The following ACVR1C variants were observed in gnomAD, a reference collection of about 807,000 sequenced individuals.
ACVR1C encodes activin A receptor type 1C.
In ACVR1C, 23 loss-of-function variants were observed where a neutral mutation model predicts 57.9. The ratio of observed to expected loss-of-function variants is 0.40; its 90% CI spans 0.29 to 0.56. The LOEUF (loss-of-function observed/expected upper bound fraction) is 0.56. Among genes scored for constraint, ACVR1C ranks in the 20% least tolerant of loss-of-function variants. The probability of loss-of-function intolerance (pLI) is 0.50; values close to 1 mark genes in which losing one functional copy is unlikely to be tolerated. For synonymous variants in ACVR1C, 214 were observed against 215.3 expected, an observed-to-expected ratio of 0.99 and a Z score of 0.05; for missense variants, 480 against 607.9, an observed-to-expected ratio of 0.79 and a Z score of 2.21.
rs1352609704 is a variant in ACVR1C, at chr2:157,528,721, T to C, written c.*5197A>G. ...CAGTTACTATTTCTCAAGCGGAATT[T>C]AGCATTAAAGCAAAAGTAGACATTC... On this transcript the variant is annotated 3_prime_UTR_variant, in exon 9 of 9. Transcript: ENST00000243349. The C allele has an allele frequency of 2.6e-5, 4 of 152,172 alleles. No homozygotes were observed. Among genetic ancestry groups the C allele is most frequent in the Admixed American group, 2.0e-4 (3 of 15,262 alleles). The allele number at this position is 152,172 out of a possible 1,614,324, so 9.4% of individuals were successfully genotyped here. A position where few individuals can be genotyped will look rare whatever the true frequency, so the allele number is the denominator to read the frequency against.
At chr2:157,592,544 A>G (rs1006706307) in intron 1 of ACVR1C, among the ~76,000 whole-genome samples, 1 of 152,120 alleles carries the variant, frequency 6.6e-6, no homozygotes, top group African/African-American at 2.4e-5. Flanking sequence ...TTCCAGTTCA[A>G]CTGGCAGTAT....
intron 4 of ACVR1C, among the ~76,000 whole-genome samples, chr2:157,549,394 C>A (rs1010803907): frequency 2.6e-5 from 4 of 152,046 alleles, no homozygotes; most frequent in Admixed American, 2.6e-4. Flanking sequence ...TCCAATGATA[C>A]TCCTTTGCCC....
chr2:157,587,128 T>A, intron 2 of ACVR1C, 59 bp downstream of exon 2: 1 of 1,399,540 alleles, frequency 7.1e-7, no homozygotes, highest in South Asian at 1.2e-5. Context: ...ATTCCTACCA[T>A]TCTTATAGTT....
At chr2:157,595,100 G>C (rs950608995) in intron 1 of ACVR1C, among the ~76,000 whole-genome samples, 4 of 152,246 alleles carry the variant, frequency 2.6e-5, no homozygotes, top group African/African-American at 9.6e-5. Context: ...AGCTCCTCCA[G>C]TGTGGGACAA....
At chr2:157,556,598 T>A (rs1444791885) in intron 2 of ACVR1C, among the ~76,000 whole-genome samples, 3 of 151,634 alleles carry the variant, frequency 2.0e-5, no homozygotes, top group Non-Finnish European at 4.4e-5. Flanking sequence ...TGTTTTAGGA[T>A]CTCTGAAGCA....
intron 1 of ACVR1C, among the ~76,000 whole-genome samples, chr2:157,593,877 T>C (rs1682007975): frequency 6.6e-6 from 1 of 152,152 alleles, no homozygotes; most frequent in Admixed American, 6.5e-5. Context: ...AAATGAGCTT[T>C]CAATAAAGAT....
At chr2:157,586,446 G>A (rs189414913) in intron 2 of ACVR1C, among the ~76,000 whole-genome samples, 1 of 152,036 alleles carries the variant, frequency 6.6e-6, no homozygotes, top group East Asian at 1.9e-4. Flanking sequence ...TTAAATTATT[G>A]TTATATTAAA....
chr2:157,601,839 C>T (rs1573948656), intron 1 of ACVR1C, among the ~76,000 whole-genome samples: 2 of 152,128 alleles, frequency 1.3e-5, no homozygotes, highest in South Asian at 4.2e-4. Context: ...TCCTATCTCA[C>T]AGGATTAGTA....
At chr2:157,625,974 C>T (rs895292163) in intron 1 of ACVR1C, among the ~76,000 whole-genome samples, 5 of 152,008 alleles carry the variant, frequency 3.3e-5, no homozygotes, top group African/African-American at 1.2e-4. Flanking sequence ...TTTTTCGTTG[C>T]TCTTGTTTTT....
intron 4 of ACVR1C, among the ~76,000 whole-genome samples, chr2:157,547,007 C>T (rs1008274443): frequency 7.1e-6 from 1 of 141,630 alleles, no homozygotes; most frequent in Non-Finnish European, 1.5e-5. Flanking sequence ...GTGATATTAC[C>T]CTTCCTGTGT....
intron 2 of ACVR1C, among the ~76,000 whole-genome samples, chr2:157,573,855 G>A (rs1688583225): frequency 6.6e-6 from 1 of 151,684 alleles, no homozygotes; most frequent in Non-Finnish European, 1.5e-5. Flanking sequence ...CCTTCACATA[G>A]GAAAAAAATA....
chr2:157,588,560 T>C (rs557219351), intron 1 of ACVR1C, among the ~76,000 whole-genome samples: 266 of 151,780 alleles, frequency 1.8e-3, no homozygotes, highest in Non-Finnish European at 2.5e-3. Context: ...TTGTACTCAA[T>C]AGATAATTTT....
At chr2:157,576,268 C>A (rs1296084460) in intron 2 of ACVR1C, among the ~76,000 whole-genome samples, 1 of 138,558 alleles carries the variant, frequency 7.2e-6, no homozygotes, top group Non-Finnish European at 1.5e-5. Context: ...TGCAATGGCG[C>A]AATCTCAGCT....
At chr2:157,573,199 G>T (rs776762117) in intron 2 of ACVR1C, among the ~76,000 whole-genome samples, 42 of 152,038 alleles carry the variant, frequency 2.8e-4, no homozygotes, top group Non-Finnish European at 5.4e-4. Flanking sequence ...CAAACCTTTG[G>T]TTTGGTTTAA....
At chr2:157,622,275 A>G (rs1019133222) in intron 1 of ACVR1C, among the ~76,000 whole-genome samples, 2 of 152,218 alleles carry the variant, frequency 1.3e-5, no homozygotes, top group African/African-American at 4.8e-5. Flanking sequence ...CCTAAAATTT[A>G]TATGGAACCA....
chr2:157,537,504 A>T (rs1320890140), intron 8 of ACVR1C, among the ~76,000 whole-genome samples: 1 of 151,996 alleles, frequency 6.6e-6, no homozygotes, highest in East Asian at 1.9e-4. Context: ...ACAAAACACA[A>T]ATCTTGTGTT....
intron 2 of ACVR1C, among the ~76,000 whole-genome samples, chr2:157,579,662 C>T (rs1688739714): frequency 6.6e-6 from 1 of 152,132 alleles, no homozygotes; most frequent in African/African-American, 2.4e-5. Flanking sequence ...TTCATACTGC[C>T]TCACATGCTT....
In ACVR1C at chr2:157,554,253, A is replaced by G. The variant is rs1390090280; in HGVS notation, c.544+1840T>C. Reference sequence around the variant, plus strand: ...AAAGAAAGAAAGAAAGAAAGAAAGAAAGAAAGAAAGAAAGAAAGGAAGGAA... The same window carrying G: ...AAAGAAAGAAAGAAAGAAAGAAAGAGAGAAAGAAAGAAAGAAAGGAAGGAA... On this transcript the variant is annotated intron_variant, in intron 3 of 8. Coordinates refer to ENST00000243349, the MANE Select transcript of ACVR1C (RefSeq NM_145259.3). 4.4e-4 allele frequency among the ~76,000 whole-genome samples: 61 copies of G among 139,182 alleles called. 2 individuals carry two copies. Among genetic ancestry groups the G allele is most frequent in the African/African-American group, 1.9e-3 (60 of 31,692 alleles). 91.3% of individuals were successfully genotyped at this position (139,182 alleles called of 152,430 possible).
At chr2:157,622,457 A>G (rs1360512449) in intron 1 of ACVR1C, among the ~76,000 whole-genome samples, 1 of 152,142 alleles carries the variant, frequency 6.6e-6, no homozygotes, top group Non-Finnish European at 1.5e-5. Flanking sequence ...CCAGAAACAA[A>G]TCCACACACC....
Sources: allele counts gnomAD v4.1 joint callset (sites outside exome capture counted in the v4.1 genomes callset), GRCh38; gene constraint gnomAD v4.1.1; transcripts MANE v1.5; gene names NCBI Gene and HGNC (gene_info 2026-07-23, HGNC 2026-07-21).